The following SCHIP1 variants were observed in gnomAD, a reference collection of about 807,000 sequenced individuals.
SCHIP1 encodes the protein schwannomin interacting protein 1, also known as schwannomin-interacting protein 1.
A neutral mutation model predicts 29.7 loss-of-function variants in SCHIP1; 8 were observed. The ratio of observed to expected loss-of-function variants is 0.27; its 90% CI spans 0.16 to 0.49. The LOEUF (loss-of-function observed/expected upper bound fraction) is 0.49, where lower values mean the gene tolerates loss of function less well. Among genes scored for constraint, SCHIP1 ranks in the 20% least tolerant of loss-of-function variants. The pLI is 0.99. For missense variants in SCHIP1, 193 were observed against 294.6 expected, an observed-to-expected ratio of 0.66 and a Z score of 2.52; for synonymous variants, 76 against 94.9, an observed-to-expected ratio of 0.80 and a Z score of 1.16.
upstream of SCHIP1, among the ~76,000 whole-genome samples, chr3:159,836,612 C>T (rs1436375570): frequency 2.0e-5 from 3 of 152,030 alleles, no homozygotes; most frequent in Non-Finnish European, 2.9e-5. Flanking sequence ...TTTCTTAGAC[C>T]TTGGTTTCCA....
At chr3:159,352,179 C>G in the SCHIP1 span, among the ~76,000 whole-genome samples, 2 of 152,140 alleles carry the variant, frequency 1.3e-5, no homozygotes, top group African/African-American at 4.8e-5. Context: ...GATCACACCT[C>G]TAATATGTTT....
At chr3:159,639,779 T>C in the SCHIP1 span, among the ~76,000 whole-genome samples, 1 of 152,308 alleles carries the variant, frequency 6.6e-6, no homozygotes, top group Admixed American at 6.5e-5. Flanking sequence ...ACAGAGGTTT[T>C]GGAGGACTTT....
At chr3:159,425,550 G>T in the SCHIP1 span, among the ~76,000 whole-genome samples, 2 of 152,032 alleles carry the variant, frequency 1.3e-5, no homozygotes, top group African/African-American at 2.4e-5. Context: ...AGCAAGTCCT[G>T]AGTGACCTAC....
At chr3:159,506,748 C>G in the SCHIP1 span, among the ~76,000 whole-genome samples, 1 of 152,116 alleles carries the variant, frequency 6.6e-6, no homozygotes, top group Non-Finnish European at 1.5e-5. Context: ...TCTTGTTTTT[C>G]TCAGGTTTGT....
chr3:159,705,175 G>C, the SCHIP1 span, among the ~76,000 whole-genome samples: 1 of 152,186 alleles, frequency 6.6e-6, no homozygotes, highest in East Asian at 1.9e-4. Flanking sequence ...TGTTGGCCAG[G>C]CTGGTCTTGA....
the SCHIP1 span, among the ~76,000 whole-genome samples, chr3:159,698,972 C>G: frequency 6.6e-6 from 1 of 152,166 alleles, no homozygotes; most frequent in African/African-American, 2.4e-5. Context: ...AAGACCACTT[C>G]TAGCTCTACG....
At chr3:159,369,429 TTCTC>T in the SCHIP1 span, among the ~76,000 whole-genome samples, 1 of 152,154 alleles carries the variant, frequency 6.6e-6, no homozygotes, top group Admixed American at 6.6e-5. Context: ...TGAGTATTCT[TTCTC>T]AAGAATAGAG....
At chr3:159,555,048 T>C in the SCHIP1 span, among the ~76,000 whole-genome samples, 2 of 152,180 alleles carry the variant, frequency 1.3e-5, no homozygotes, top group African/African-American at 4.8e-5. Context: ...ATTAATTTTT[T>C]AAAAATTGGC....
the SCHIP1 span, among the ~76,000 whole-genome samples, chr3:159,552,233 A>G: frequency 6.6e-6 from 1 of 151,526 alleles, no homozygotes; most frequent in Non-Finnish European, 1.5e-5. Context: ...TTTAGTAGAG[A>G]TAGGGTTTCA....
the SCHIP1 span, among the ~76,000 whole-genome samples, chr3:159,583,646 T>C: frequency 1.3e-5 from 2 of 152,150 alleles, no homozygotes; most frequent in Non-Finnish European, 2.9e-5. Context: ...CTTCAAAATA[T>C]GAGCCACTGC....
At chr3:159,677,277 C>T in the SCHIP1 span, among the ~76,000 whole-genome samples, 2 of 152,222 alleles carry the variant, frequency 1.3e-5, no homozygotes, top group Non-Finnish European at 2.9e-5. Flanking sequence ...ACAGACTGTG[C>T]CACTAGTATG....
the SCHIP1 span, among the ~76,000 whole-genome samples, chr3:159,357,799 G>A: frequency 2.0e-4 from 30 of 152,294 alleles, 2 homozygotes; most frequent in South Asian, 5.2e-3. Context: ...GATATCTGAT[G>A]AGAACATGGA....
the SCHIP1 span, among the ~76,000 whole-genome samples, chr3:159,678,277 T>C: frequency 5.3e-5 from 8 of 152,354 alleles, no homozygotes; most frequent in Non-Finnish European, 1.0e-4. Flanking sequence ...TCATTGAAGA[T>C]TATTTCATCC....
chr3:159,382,543 T>C, the SCHIP1 span, among the ~76,000 whole-genome samples: 1 of 152,218 alleles, frequency 6.6e-6, no homozygotes, highest in African/African-American at 2.4e-5. Flanking sequence ...GTTTTGCTAT[T>C]GTGAATAGAG....
At chr3:159,325,365 C>T in the SCHIP1 span, among the ~76,000 whole-genome samples, 4,939 of 152,130 alleles carry the variant, frequency 0.032, 289 homozygotes, top group African/African-American at 0.11. Flanking sequence ...ATAAATCATT[C>T]GTCTGTAAGT....
the SCHIP1 span, among the ~76,000 whole-genome samples, chr3:159,390,858 GAA>G: frequency 6.6e-6 from 1 of 151,950 alleles, no homozygotes; most frequent in South Asian, 2.1e-4. Context: ...CTCAGGGAGA[GAA>G]AAAAATTAAG....
chr3:159,587,576 C>T, the SCHIP1 span, among the ~76,000 whole-genome samples: 1 of 152,112 alleles, frequency 6.6e-6, no homozygotes, highest in African/African-American at 2.4e-5. Context: ...CCCCTTAACT[C>T]ATAATTTACA....
At chr3:159,653,867 A>G in the SCHIP1 span, among the ~76,000 whole-genome samples, 1 of 152,156 alleles carries the variant, frequency 6.6e-6, no homozygotes, top group Non-Finnish European at 1.5e-5. Flanking sequence ...CATAAATACA[A>G]ATATTTAAGG....
At chr3:159,804,847 C>T in the SCHIP1 span, among the ~76,000 whole-genome samples, 23 of 152,078 alleles carry the variant, frequency 1.5e-4, no homozygotes, top group Non-Finnish European at 8.8e-5. Flanking sequence ...TGTTTTTTGC[C>T]GTCAGTTTCA....
Sources: gnomAD v4.1 joint callset for allele counts (sites outside exome capture counted in the v4.1 genomes callset) on GRCh38, gnomAD v4.1.1 for gene constraint, MANE v1.5 for transcripts, NCBI Gene and HGNC (gene_info 2026-07-23, HGNC 2026-07-21) for gene names.